Variants in PAWR observed in about 807,000 individuals in gnomAD.
The protein encoded by PAWR is PRKC apoptosis WT1 regulator protein.
In PAWR, 23 loss-of-function variants were observed where a neutral mutation model predicts 32.0. The ratio of observed to expected loss-of-function variants is 0.72; its 90% confidence interval spans 0.52 to 1.02. The LOEUF (loss-of-function observed/expected upper bound fraction) is 1.02. Among genes scored for constraint, PAWR ranks in the 50% least tolerant of loss-of-function variants. The pLI is 0.00. For missense variants in PAWR, 457 were observed against 437.7 expected (o/e 1.04, Z -0.39); for synonymous variants, 226 against 187.1 (o/e 1.21, Z -1.70).
intron 2 of PAWR, among the ~76,000 whole-genome samples, chr12:79,684,507 A>AGACT (rs1413504115): frequency 3.3e-5 from 5 of 152,080 alleles, no homozygotes; most frequent in African/African-American, 1.2e-4. Flanking sequence ...GCTACTTGGG[A>AGACT]GACTGACGCA....
chr12:79,624,747 G>A (rs1458473742), intron 2 of PAWR, among the ~76,000 whole-genome samples: 3 of 152,174 alleles, frequency 2.0e-5, no homozygotes, highest in Admixed American at 6.5e-5. Flanking sequence ...CCATACTTAA[G>A]AGAAGTGGAT....
At chr12:79,615,416 C>A (rs994260779) in intron 3 of PAWR, among the ~76,000 whole-genome samples, 1 of 152,094 alleles carries the variant, frequency 6.6e-6, no homozygotes, top group Non-Finnish European at 1.5e-5. Context: ...CAGGAAATAA[C>A]CAGGTGACAG....
At chr12:79,638,624 T>C (rs1031406423) in intron 2 of PAWR, among the ~76,000 whole-genome samples, 10 of 151,580 alleles carry the variant, frequency 6.6e-5, no homozygotes, top group African/African-American at 1.9e-4. Flanking sequence ...CAGCCAATTG[T>C]TTCAACTATG....
Position 79,586,881 on chromosome 12 carries a change from A to G in PAWR, c.*5726T>C, listed in dbSNP as rs2136665004. ...CATCAGAATAAAATGAATGGACTGT[A>G]AAGGATCTTATAACCAGTCTCTCTC... On this transcript the variant is annotated 3_prime_UTR_variant, in exon 7 of 7. Coordinates refer to ENST00000328827, the MANE Select transcript of PAWR (RefSeq NM_002583.4). 6.6e-6 allele frequency: 1 copy of G among 152,282 alleles called. No homozygotes were observed. The highest frequency in any genetic ancestry group is 1.9e-4 in the East Asian group (1 of 5,188). 9.4% of individuals were successfully genotyped at this position (152,282 alleles called of 1,614,324 possible). A position where few individuals can be genotyped will look rare whatever the true frequency, so the allele number is the denominator to read the frequency against.
At chr12:79,596,871 AG>A in intron 4 of PAWR, 1 of 471,440 alleles carries the variant, frequency 2.1e-6, no homozygotes. Context: ...TCTACTGAAT[AG>A]GTGTTAAGTA....
At chr12:79,616,429 G>T (rs1277414736) in intron 3 of PAWR, among the ~76,000 whole-genome samples, 1 of 152,084 alleles carries the variant, frequency 6.6e-6, no homozygotes, top group Non-Finnish European at 1.5e-5. Context: ...AACTGAAATT[G>T]TATGAATAAC....
chr12:79,630,798 CTAGATGGAAGAAATACTTCTCAACT>C lies in PAWR; in HGVS notation c.517-9616_517-9592del, dbSNP rs1875582900. Among the ~76,000 whole-genome samples, 5 of 150,624 alleles carry C rather than the reference CTAGATGGAAGAAATACTTCTCAACT, an allele frequency of 3.3e-5. No homozygotes were observed. The South Asian group carries it at 1.1e-3, about 32-fold the overall frequency. ...AAATACCATCTGTTCACAAATTCTTCTAGATGGAAGAAATACTTCTCAACTTATTTTGAGGCCAACAATGCTCTGG... is the reference window on the plus strand; with the variant it reads ...AAATACCATCTGTTCACAAATTCTTCTATTTTGAGGCCAACAATGCTCTGG... On this transcript the variant is annotated intron_variant, in intron 2 of 6. Coordinates refer to ENST00000328827, the MANE Select transcript of PAWR (RefSeq NM_002583.4).
chr12:79,584,967 T>C lies in PAWR; in HGVS notation c.*7640A>G. 1 of 238,614 alleles carries C rather than the reference T, an allele frequency of 4.2e-6. No homozygotes were observed. Among genetic ancestry groups the C allele is most frequent in the South Asian group, 4.7e-5 (1 of 21,264 alleles). The allele number at this position is 238,614 out of a possible 1,614,324, so 14.8% of individuals were successfully genotyped here. Reference sequence around the variant, plus strand: ...ATTGTTACCAAAAGTCTTCAGGCAATAACAGAGATAAAACTTAACACAGAC... The same window carrying C: ...ATTGTTACCAAAAGTCTTCAGGCAACAACAGAGATAAAACTTAACACAGAC... On this transcript the variant is annotated 3_prime_UTR_variant, in exon 7 of 7. Transcript: ENST00000328827.
intron 4 of PAWR, among the ~76,000 whole-genome samples, chr12:79,608,702 C>A (rs2136691694): frequency 6.6e-6 from 1 of 152,248 alleles, no homozygotes; most frequent in Non-Finnish European, 1.5e-5. Flanking sequence ...TGCTATAATA[C>A]AATATTAAGT....
chr12:79,634,117 A>G, intron 2 of PAWR, among the ~76,000 whole-genome samples: 1 of 152,280 alleles, frequency 6.6e-6, no homozygotes, highest in South Asian at 2.1e-4. Context: ...TTATGTTTTG[A>G]CTAAATAACT....
Position 79,690,315 on chromosome 12 carries a change from C to T in PAWR, c.-71G>A. ...GGGCTCCGGCCGCTGCCTCCTCTTC[C>T]TTCCTGCGGCCCCGAGGATGCCAGG... On this transcript the variant is annotated 5_prime_UTR_variant, in exon 2 of 7. Coordinates refer to ENST00000328827, the MANE Select transcript of PAWR (RefSeq NM_002583.4). 7.3e-7 allele frequency: 1 copy of T among 1,372,586 alleles called. No homozygotes were observed. Among genetic ancestry groups the T allele is most frequent in the Non-Finnish European group, 9.4e-7 (1 of 1,065,986 alleles). 85.0% of individuals were successfully genotyped at this position (1,372,586 alleles called of 1,614,324 possible). A position where few individuals can be genotyped will look rare whatever the true frequency, so the allele number is the denominator to read the frequency against.
At chr12:79,660,898 T>A (rs1157423502) in intron 2 of PAWR, among the ~76,000 whole-genome samples, 1 of 151,724 alleles carries the variant, frequency 6.6e-6, no homozygotes, top group African/African-American at 2.4e-5. Context: ...TATTTTTTTT[T>A]AAAGTATATA....
intron 3 of PAWR, among the ~76,000 whole-genome samples, chr12:79,613,934 TATATATATATATATA>T (rs1874558709): frequency 2.5e-3 from 10 of 3,984 alleles, no homozygotes; most frequent in African/African-American, 4.8e-3. Flanking sequence ...ACCACCATTA[TATATATATATATATA>T]TATATATATA....
intron 2 of PAWR, among the ~76,000 whole-genome samples, chr12:79,638,790 GGTGTGTGTGTGT>G (rs34039182): frequency 3.8e-5 from 4 of 105,270 alleles, no homozygotes; most frequent in South Asian, 3.2e-4. Context: ...TTATATTTGG[GGTGTGTGTGTGT>G]GTGTGTGTGT....
At chr12:79,620,625 GA>G (rs1874958468) in intron 3 of PAWR, among the ~76,000 whole-genome samples, 1 of 152,190 alleles carries the variant, frequency 6.6e-6, no homozygotes. Context: ...GGGTGGCTCA[GA>G]AAAGGGTGAT....
intron 2 of PAWR, among the ~76,000 whole-genome samples, chr12:79,657,743 G>A (rs1159685815): frequency 1.3e-5 from 2 of 151,600 alleles, no homozygotes; most frequent in Non-Finnish European, 2.9e-5. Context: ...GCAGTGAGCC[G>A]AGATCGCGCC....
At chr12:79,681,134 G>T (rs1456072089) in intron 2 of PAWR, among the ~76,000 whole-genome samples, 1 of 138,872 alleles carries the variant, frequency 7.2e-6, no homozygotes, top group Admixed American at 7.2e-5. Flanking sequence ...GAAGGGAGGG[G>T]AGGGGAGGGG....
chr12:79,588,355 T>A lies in PAWR; in HGVS notation c.*4252A>T, dbSNP rs1873446974. The A allele has an allele frequency of 6.6e-6, 1 of 152,026 alleles. No individual in the cohort carries two copies. The highest frequency in any genetic ancestry group is 6.5e-5 in the Admixed American group (1 of 15,268). The allele number at this position is 152,026 out of a possible 1,614,324, so 9.4% of individuals were successfully genotyped here. A position where few individuals can be genotyped will look rare whatever the true frequency, so the allele number is the denominator to read the frequency against. Reference sequence around the variant, plus strand: ...CATCAACAGTTTGGTGTATCTGATATAACTGAATTCATTTCATCACTGCTA... The same window carrying A: ...CATCAACAGTTTGGTGTATCTGATAAAACTGAATTCATTTCATCACTGCTA... On this transcript the variant is annotated 3_prime_UTR_variant, in exon 7 of 7. Transcript: ENST00000328827.
chr12:79,640,858 T>C (rs947769430), intron 2 of PAWR, among the ~76,000 whole-genome samples: 6 of 152,226 alleles, frequency 3.9e-5, no homozygotes, highest in Admixed American at 2.0e-4. Flanking sequence ...AAAGAAACTA[T>C]GTCCTATAAT....
Sources: gnomAD v4.1 joint callset for allele counts (sites outside exome capture counted in the v4.1 genomes callset) on GRCh38, gnomAD v4.1.1 for gene constraint, MANE v1.5 for transcripts, NCBI Gene and HGNC (gene_info 2026-07-23, HGNC 2026-07-21) for gene names.